CADM2: variants seen among roughly 807,000 people sequenced by gnomAD.
CADM2 encodes immunoglobulin superfamily member 4D.
CADM2 carries 12 observed loss-of-function variants against 49.8 expected under a neutral mutation model. That is an observed-to-expected ratio of 0.24 (90% confidence interval 0.15 to 0.39). CADM2 has a LOEUF of 0.39. CADM2 is among the 10% of genes least tolerant of loss of function. CADM2 has a pLI of 1.00. For synonymous variants in CADM2, 214 were observed against 175.4 expected (o/e 1.22, Z -1.74); for missense variants, 378 against 492.3 (o/e 0.77, Z 2.20).
At chr3:85,701,707 A>C (rs2066758717) in intron 1 of CADM2, among the ~76,000 whole-genome samples, 1 of 152,180 alleles carries the variant, frequency 6.6e-6, no homozygotes, top group African/African-American at 2.4e-5. Flanking sequence ...ATGTCTCTGC[A>C]TATCAGCTTC....
At chr3:85,592,978 T>G (rs935947903) in intron 1 of CADM2, among the ~76,000 whole-genome samples, 2 of 151,968 alleles carry the variant, frequency 1.3e-5, no homozygotes, top group Non-Finnish European at 2.9e-5. Flanking sequence ...TGTGTTAGTT[T>G]GCTGATTTTA....
chr3:85,954,063 T>G (rs763848676), intron 7 of CADM2, among the ~76,000 whole-genome samples: 23 of 151,082 alleles, frequency 1.5e-4, no homozygotes, highest in Middle Eastern at 6.8e-3. Flanking sequence ...ACACTCAAAT[T>G]TAAGCTTGCT....
chr3:85,159,471 T>C (rs2040247735), intron 1 of CADM2, among the ~76,000 whole-genome samples: 1 of 152,206 alleles, frequency 6.6e-6, no homozygotes, highest in Non-Finnish European at 1.5e-5. Flanking sequence ...CTGTATAATT[T>C]GGTGAGTCAG....
rs28472905 is a variant in CADM2, at chr3:85,083,555, A to G, written c.61+123887A>G. Among the ~76,000 whole-genome samples the G allele has an allele frequency of 5.1e-3, 773 of 152,232 alleles. 7 individuals are homozygous for G. Among genetic ancestry groups the G allele is most frequent in the Middle Eastern group, 0.021 (6 of 292 alleles). ...AGACAGCTCTTAATGAAGTGCTGTC[A>G]ATGAAGTTGACAATGAACCTTAATG... On this transcript the variant is annotated intron_variant, in intron 1 of 9. Transcript: ENST00000383699.
chr3:85,571,095 C>T (rs1293551134), intron 1 of CADM2, among the ~76,000 whole-genome samples: 3 of 152,144 alleles, frequency 2.0e-5, no homozygotes, highest in Non-Finnish European at 4.4e-5. Context: ...TCTACTGCAT[C>T]CAGTCTGTTG....
chr3:85,761,337 G>T (rs1009741348), intron 2 of CADM2, among the ~76,000 whole-genome samples: 1 of 144,094 alleles, frequency 6.9e-6, no homozygotes, highest in Non-Finnish European at 1.5e-5. Flanking sequence ...ATAATGGTAT[G>T]AATAAAAACT....
chr3:85,991,454 A>G (rs9856802), intron 8 of CADM2, among the ~76,000 whole-genome samples: 5,393 of 152,276 alleles, frequency 0.035, 321 homozygotes, highest in African/African-American at 0.12. Flanking sequence ...TAATGAGATC[A>G]GTTATCAAAT....
chr3:85,923,526 T>C (rs551515021), intron 6 of CADM2, among the ~76,000 whole-genome samples: 26 of 133,996 alleles, frequency 1.9e-4, no homozygotes, highest in Non-Finnish European at 3.9e-4. Context: ...TCTCAATTGA[T>C]ATCATGAAAG....
intron 1 of CADM2, among the ~76,000 whole-genome samples, chr3:85,008,886 G>A (rs949934814): frequency 4.6e-5 from 7 of 152,082 alleles, no homozygotes; most frequent in Admixed American, 6.6e-5. Context: ...CCTAAATGAC[G>A]GATACTAAAT....
intron 3 of CADM2, among the ~76,000 whole-genome samples, chr3:85,802,492 G>GT (rs1235866566): frequency 6.6e-6 from 1 of 151,948 alleles, no homozygotes. Context: ...TTGTAGCTAT[G>GT]TTGTGTATAG....
intron 3 of CADM2, among the ~76,000 whole-genome samples, chr3:85,850,101 A>G (rs1401696718): frequency 6.6e-6 from 1 of 152,110 alleles, no homozygotes; most frequent in Non-Finnish European, 1.5e-5. Flanking sequence ...GAAAATGACA[A>G]TATTTATATG....
intron 1 of CADM2, among the ~76,000 whole-genome samples, chr3:85,014,641 G>A (rs2107268483): frequency 6.6e-6 from 1 of 152,290 alleles, no homozygotes; most frequent in South Asian, 2.1e-4. Context: ...ATGTTTGTTA[G>A]TGGTTTTGGC....
intron 1 of CADM2, among the ~76,000 whole-genome samples, chr3:85,345,433 T>G (rs553781019): frequency 7.9e-5 from 12 of 151,830 alleles, no homozygotes; most frequent in African/African-American, 2.2e-4. Context: ...AAAGTTATCA[T>G]GTCCAGTGGT....
chr3:85,203,048 G>T (rs1293850109), intron 1 of CADM2, among the ~76,000 whole-genome samples: 1 of 152,104 alleles, frequency 6.6e-6, no homozygotes, highest in East Asian at 1.9e-4. Context: ...TCTGGATTAG[G>T]TTTCGGCTAA....
chr3:85,499,139 C>T (rs1002296193), intron 1 of CADM2, among the ~76,000 whole-genome samples: 1 of 152,018 alleles, frequency 6.6e-6, no homozygotes, highest in Non-Finnish European at 1.5e-5. Context: ...ATAATCAGGA[C>T]TCCTAACAAC....
At chr3:85,333,582 AT>A (rs1176446423) in intron 1 of CADM2, among the ~76,000 whole-genome samples, 1 of 151,782 alleles carries the variant, frequency 6.6e-6, no homozygotes, top group African/African-American at 2.4e-5. Flanking sequence ...GAAAATGTTA[AT>A]TAGGTTAATC....
chr3:85,295,673 A>C (rs1449041899), intron 1 of CADM2, among the ~76,000 whole-genome samples: 3 of 152,132 alleles, frequency 2.0e-5, no homozygotes, highest in Non-Finnish European at 4.4e-5. Flanking sequence ...CATCATTCTC[A>C]GTAAACTATC....
intron 8 of CADM2, among the ~76,000 whole-genome samples, chr3:85,975,365 T>C (rs974888085): frequency 6.7e-6 from 1 of 149,702 alleles, no homozygotes; most frequent in Non-Finnish European, 1.5e-5. Context: ...AAAACTATTG[T>C]TAGATTAGAT....
rs73130356 is a variant in CADM2 at position 85,534,690 on chromosome 3, A to G, written c.62-191832A>G. Reference sequence around the variant, plus strand: ...TGGCCCCATATCTAGGCTATTGTCTAAAGTGCATTTTTAAGGGCTATTAAG... The same window carrying G: ...TGGCCCCATATCTAGGCTATTGTCTGAAGTGCATTTTTAAGGGCTATTAAG... On this transcript the variant is annotated intron_variant, in intron 1 of 9. Coordinates refer to ENST00000383699, the MANE Select transcript of CADM2 (RefSeq NM_001167675.2). 2.0e-3 allele frequency among the ~76,000 whole-genome samples: 311 copies of G among 152,306 alleles called. 2 individuals are homozygous for G. The highest frequency in any genetic ancestry group is 3.3e-3 in the Non-Finnish European group (223 of 68,012).
Sources: allele counts gnomAD v4.1 joint callset (sites outside exome capture counted in the v4.1 genomes callset), GRCh38; gene constraint gnomAD v4.1.1; transcripts MANE v1.5; gene names NCBI Gene and HGNC (gene_info 2026-07-23, HGNC 2026-07-21).